The following CACNA2D1 variants were observed in gnomAD, a reference collection of about 807,000 sequenced individuals.
The protein encoded by CACNA2D1 is calcium voltage-gated channel auxiliary subunit alpha2delta 1.
In CACNA2D1, 53 loss-of-function variants were observed where a neutral mutation model predicts 171.5. The ratio of observed to expected loss-of-function variants is 0.31; its 90% CI spans 0.25 to 0.39. The LOEUF (loss-of-function observed/expected upper bound fraction) is 0.39. Ranked by LOEUF, CACNA2D1 falls within the 10% of genes least tolerant of loss-of-function variation. The probability of loss-of-function intolerance (pLI) is 1.00; values close to 1 mark genes in which losing one functional copy is unlikely to be tolerated. For synonymous variants in CACNA2D1, 442 were observed against 443.1 expected (o/e 1.00, Z 0.03); for missense variants, 903 against 1,299.8 (o/e 0.69, Z 4.69).
At chr7:82,119,548 C>G (rs549668112) in intron 5 of CACNA2D1, among the ~76,000 whole-genome samples, 1 of 152,240 alleles carries the variant, frequency 6.6e-6, no homozygotes, top group East Asian at 1.9e-4. Context: ...ACCCTTAGAA[C>G]TGATATTTAT....
chr7:82,068,950 A>G (rs1252618790), intron 7 of CACNA2D1, among the ~76,000 whole-genome samples: 1 of 152,016 alleles, frequency 6.6e-6, no homozygotes, highest in Non-Finnish European at 1.5e-5. Flanking sequence ...CCAGACTATT[A>G]CATTTTAATA....
At chr7:82,323,871 C>A (rs1816303169) in intron 3 of CACNA2D1, among the ~76,000 whole-genome samples, 1 of 152,186 alleles carries the variant, frequency 6.6e-6, no homozygotes. Flanking sequence ...TGCCCCAACC[C>A]TTTCCTTGTC....
At chr7:81,969,646 A>C (rs922794286) in intron 28 of CACNA2D1, among the ~76,000 whole-genome samples, 6 of 151,302 alleles carry the variant, frequency 4.0e-5, no homozygotes, top group African/African-American at 1.2e-4. Context: ...ATGCATGCCT[A>C]ACAGATATGC....
rs72239441 is a variant in CACNA2D1, at chr7:82,012,254, G to GGAAAA, written c.1273-12_1273-11insTTTTC. The GGAAAA allele has an allele frequency of 4.9e-6, 6 of 1,224,234 alleles. No homozygotes were observed. The highest frequency in any genetic ancestry group is 1.9e-5 in the Admixed American group (1 of 53,826). 75.8% of individuals were successfully genotyped at this position (1,224,234 alleles called of 1,614,324 possible). A position where few individuals can be genotyped will look rare whatever the true frequency, so the allele number is the denominator to read the frequency against. On this transcript the variant is annotated splice_polypyrimidine_tract_variant and intron_variant, in intron 14 of 38. Coordinates refer to ENST00000356860, the MANE Select transcript of CACNA2D1 (RefSeq NM_000722.4). ...AACATCCAAATATTCCTGTTTATGG[G>GGAAAA]AAAAAAAAAAAAAGTCGTGGTTAAA...
At chr7:82,154,545 A>T (rs2129118064) in intron 4 of CACNA2D1, among the ~76,000 whole-genome samples, 1 of 152,274 alleles carries the variant, frequency 6.6e-6, no homozygotes, top group East Asian at 1.9e-4. Context: ...TGACACATGT[A>T]TACCTAAGTA....
At chr7:82,166,470 T>C (rs537746208) in intron 4 of CACNA2D1, among the ~76,000 whole-genome samples, 12 of 152,190 alleles carry the variant, frequency 7.9e-5, no homozygotes, top group African/African-American at 1.7e-4. Flanking sequence ...CTTATGTTTA[T>C]ACATGTGTAA....
intron 1 of CACNA2D1, among the ~76,000 whole-genome samples, chr7:82,374,897 C>A (rs1335772400): frequency 2.0e-5 from 3 of 151,916 alleles, no homozygotes; most frequent in African/African-American, 7.3e-5. Context: ...CTTATTAAAA[C>A]CTATCTCAAT....
intron 3 of CACNA2D1, among the ~76,000 whole-genome samples, chr7:82,232,459 G>A (rs1238189648): frequency 4.6e-5 from 7 of 152,246 alleles, no homozygotes; most frequent in African/African-American, 1.7e-4. Context: ...AAACTTAGTT[G>A]AAAATAGATC....
At chr7:82,178,168 C>T (rs778805503) in intron 3 of CACNA2D1, among the ~76,000 whole-genome samples, 3 of 152,056 alleles carry the variant, frequency 2.0e-5, no homozygotes, top group African/African-American at 4.8e-5. Context: ...ATAAAACTTT[C>T]GCCTCATAGC....
intron 4 of CACNA2D1, among the ~76,000 whole-genome samples, chr7:82,161,198 A>T (rs1433212635): frequency 6.6e-6 from 1 of 152,018 alleles, no homozygotes; most frequent in African/African-American, 2.4e-5. Flanking sequence ...ATCTTCAGAG[A>T]TGAGGATGTT....
chr7:82,184,395 T>A (rs1797457353), intron 3 of CACNA2D1, among the ~76,000 whole-genome samples: 1 of 152,102 alleles, frequency 6.6e-6, no homozygotes, highest in Admixed American at 6.5e-5. Flanking sequence ...ATATGCCACC[T>A]CTGTTTTCCC....
chr7:82,060,185 A>AATATG (rs1234511698), intron 10 of CACNA2D1, among the ~76,000 whole-genome samples: 2 of 15,336 alleles, frequency 1.3e-4, no homozygotes, highest in African/African-American at 3.5e-4. Context: ...TATAATATAT[A>AATATG]TATATTATAT....
intron 1 of CACNA2D1, among the ~76,000 whole-genome samples, chr7:82,386,879 A>T (rs4732456): frequency 6.6e-6 from 1 of 151,890 alleles, no homozygotes; most frequent in Non-Finnish European, 1.5e-5. Context: ...CAAAAGTATC[A>T]AATTCCTTTT....
chr7:82,256,559 A>C (rs1255563496), intron 3 of CACNA2D1, among the ~76,000 whole-genome samples: 1 of 152,242 alleles, frequency 6.6e-6, no homozygotes, highest in Non-Finnish European at 1.5e-5. Flanking sequence ...ATACAGGCAC[A>C]CACTGATATT....
chr7:82,250,015 T>C (rs1381388966), intron 3 of CACNA2D1, among the ~76,000 whole-genome samples: 1 of 152,250 alleles, frequency 6.6e-6, no homozygotes, highest in Non-Finnish European at 1.5e-5. Flanking sequence ...TCCCAGAGCA[T>C]GGTGCTAGCA....
At chr7:82,441,044 T>C (rs1436335338) in intron 1 of CACNA2D1, among the ~76,000 whole-genome samples, 2 of 152,020 alleles carry the variant, frequency 1.3e-5, no homozygotes, top group Non-Finnish European at 2.9e-5. Context: ...TTTGCCTTTA[T>C]TGACACTACA....
At chr7:82,314,037 T>G (rs1418817336) in intron 3 of CACNA2D1, among the ~76,000 whole-genome samples, 1 of 152,194 alleles carries the variant, frequency 6.6e-6, no homozygotes, top group South Asian at 2.1e-4. Context: ...AGTGCTTCTC[T>G]GGGAGAATAT....
chr7:82,373,855 ACAAAAATATG>A (rs1242054374), intron 1 of CACNA2D1, among the ~76,000 whole-genome samples: 4 of 152,250 alleles, frequency 2.6e-5, no homozygotes, highest in Admixed American at 1.3e-4. Context: ...ACATTTTAAA[ACAAAAATATG>A]CAATTGGTGT....
At chr7:82,306,277 A>G (rs754084189) in intron 3 of CACNA2D1, among the ~76,000 whole-genome samples, 9 of 152,084 alleles carry the variant, frequency 5.9e-5, no homozygotes, top group Non-Finnish European at 1.3e-4. Context: ...GAAAGAAGTG[A>G]GAACCCTAAG....
Sources: gnomAD v4.1 joint callset for allele counts (sites outside exome capture counted in the v4.1 genomes callset) on GRCh38, gnomAD v4.1.1 for gene constraint, MANE v1.5 for transcripts, NCBI Gene and HGNC (gene_info 2026-07-23, HGNC 2026-07-21) for gene names.